The following STK3 variants were observed in gnomAD, a reference collection of about 807,000 sequenced individuals.
STK3 encodes the protein serine/threonine-protein kinase 3.
Under a neutral mutation model 58.0 loss-of-function variants are expected in STK3, and 41 were observed. The observed-to-expected ratio is 0.71, with a 90% confidence interval of 0.55 to 0.92. The LOEUF (loss-of-function observed/expected upper bound fraction) is 0.92. Among genes scored for constraint, STK3 ranks in the 40% least tolerant of loss-of-function variants. The probability of loss-of-function intolerance (pLI) is 0.00; values close to 1 mark genes in which losing one functional copy is unlikely to be tolerated. For synonymous variants in STK3, 170 were observed against 191.0 expected (o/e 0.89, Z 0.91); for missense variants, 479 against 602.7 (o/e 0.79, Z 2.15).
the STK3 span, among the ~76,000 whole-genome samples, chr8:98,344,892 CAAAAAAAAAAAAAA>C: frequency 6.3e-5 from 3 of 47,406 alleles, no homozygotes; most frequent in African/African-American, 8.3e-5. Flanking sequence ...GACTCCGTCT[CAAAAAAAAAAAAAA>C]AAAAAAAAAA....
At chr8:98,576,301 A>G (rs1487713135) in intron 8 of STK3, among the ~76,000 whole-genome samples, 2 of 152,196 alleles carry the variant, frequency 1.3e-5, no homozygotes, top group East Asian at 3.8e-4. Flanking sequence ...TGATCACTGC[A>G]GTTTCATATT....
intron 3 of STK3, among the ~76,000 whole-genome samples, chr8:98,423,225 C>A (rs753157973): frequency 6.6e-6 from 1 of 152,232 alleles, no homozygotes; most frequent in Non-Finnish European, 1.5e-5. Flanking sequence ...ATATACGTGT[C>A]GTGAAGGCAC....
downstream of STK3, chr8:98,883,751 T>C (rs1015544256): frequency 1.4e-6 from 1 of 702,912 alleles, no homozygotes; most frequent in Middle Eastern, 2.3e-4. Context: ...CCATGAGTTG[T>C]AACATTTCCT....
chr8:98,494,809 GA>G (rs996641787), intron 10 of STK3, among the ~76,000 whole-genome samples: 3 of 152,094 alleles, frequency 2.0e-5, no homozygotes, highest in African/African-American at 7.2e-5. Context: ...GGTGATGCTG[GA>G]AAAGCCCAGG....
At chr8:98,803,610 A>AC (rs1455714929) in intron 1 of STK3, among the ~76,000 whole-genome samples, 7 of 117,900 alleles carry the variant, frequency 5.9e-5, no homozygotes, top group African/African-American at 2.5e-4. Context: ...AAAAAAAAAG[A>AC]AAAAAAAAGA....
intron 6 of STK3, among the ~76,000 whole-genome samples, chr8:98,684,329 A>G (rs574102564): frequency 6.6e-6 from 1 of 152,152 alleles, no homozygotes; most frequent in East Asian, 1.9e-4. Flanking sequence ...GCACAGAAAC[A>G]GTAATTCCTT....
chr8:98,881,337 C>A (rs552401292), downstream of STK3: 1 of 152,238 alleles, frequency 6.6e-6, no homozygotes, highest in African/African-American at 2.4e-5. Flanking sequence ...ACTATGGAGA[C>A]AGTAAAAGGT....
intron 4 of STK3, among the ~76,000 whole-genome samples, chr8:98,737,276 A>G (rs1828677011): frequency 6.6e-6 from 1 of 152,216 alleles, no homozygotes; most frequent in African/African-American, 2.4e-5. Flanking sequence ...CCAAATGAAC[A>G]AGAGTAAAAA....
At chr8:98,932,710 A>G (rs1349270098) in intron 1 of STK3, among the ~76,000 whole-genome samples, 1 of 152,170 alleles carries the variant, frequency 6.6e-6, no homozygotes, top group Non-Finnish European at 1.5e-5. Flanking sequence ...GCATTACTAA[A>G]CAGCCCCCAG....
chr8:98,573,987 T>C (rs1813181858), intron 8 of STK3, among the ~76,000 whole-genome samples: 1 of 152,042 alleles, frequency 6.6e-6, no homozygotes, highest in Admixed American at 6.6e-5. Context: ...TCACTCATTA[T>C]CATGAGAACA....
upstream of STK3, among the ~76,000 whole-genome samples, chr8:98,829,640 A>T (rs1218454752): frequency 6.6e-6 from 1 of 152,236 alleles, no homozygotes; most frequent in African/African-American, 2.4e-5. Context: ...TTACCCTAGG[A>T]TAAACAGAAT....
intron 1 of STK3, among the ~76,000 whole-genome samples, chr8:98,792,531 T>C (rs1832870180): frequency 6.6e-6 from 1 of 151,868 alleles, no homozygotes; most frequent in South Asian, 2.1e-4. Flanking sequence ...ACCCCGCCCC[T>C]ACTAAAAAAA....
At chr8:98,587,616 G>T (rs1054595744) in intron 7 of STK3, among the ~76,000 whole-genome samples, 2 of 152,048 alleles carry the variant, frequency 1.3e-5, no homozygotes, top group Non-Finnish European at 2.9e-5. Context: ...TATTAGTTCC[G>T]CTTGGTGCAG....
At chr8:98,655,530 C>A (rs1398594202) in intron 6 of STK3, among the ~76,000 whole-genome samples, 1 of 151,904 alleles carries the variant, frequency 6.6e-6, no homozygotes, top group Non-Finnish European at 1.5e-5. Context: ...AAAGAAACTA[C>A]CATCAGAGTG....
intron 6 of STK3, among the ~76,000 whole-genome samples, chr8:98,655,015 C>T (rs567836047): frequency 2.0e-5 from 3 of 152,122 alleles, no homozygotes; most frequent in South Asian, 2.1e-4. Context: ...AAAAAAGAGC[C>T]CGCATTGCCA....
At chr8:98,372,364 C>T (rs765669533) in intron 2 of STK3, among the ~76,000 whole-genome samples, 6 of 152,198 alleles carry the variant, frequency 3.9e-5, no homozygotes, top group Non-Finnish European at 7.3e-5. Context: ...CCTTATGCCT[C>T]AGCCATCAGC....
intron 9 of STK3, among the ~76,000 whole-genome samples, chr8:98,527,137 A>C (rs1825804312): frequency 6.6e-6 from 1 of 152,180 alleles, no homozygotes; most frequent in Non-Finnish European, 1.5e-5. Flanking sequence ...AAAGGTCTGG[A>C]ATGTTTAGAT....
At chr8:98,651,661 T>G (rs1587161996) in intron 6 of STK3, 1 of 152,284 alleles carries the variant, frequency 6.6e-6, no homozygotes, top group Admixed American at 6.5e-5. Context: ...CTGATGGAGC[T>G]GAAAGCCAAG....
At chr8:98,859,372 C>T (rs1042156308) in intron 3 of STK3, among the ~76,000 whole-genome samples, 7 of 152,106 alleles carry the variant, frequency 4.6e-5, no homozygotes, top group African/African-American at 1.7e-4. Flanking sequence ...ATAAACTAGG[C>T]AAAGCGAAAA....
Sources: gnomAD v4.1 joint callset for allele counts (sites outside exome capture counted in the v4.1 genomes callset) on GRCh38, gnomAD v4.1.1 for gene constraint, MANE v1.5 for transcripts, NCBI Gene and HGNC (gene_info 2026-07-23, HGNC 2026-07-21) for gene names.